CHURC1: variants seen among roughly 807,000 people sequenced by gnomAD.
CHURC1 encodes protein Churchill.
A neutral mutation model predicts 15.4 loss-of-function variants in CHURC1; 12 were observed. That is an observed-to-expected ratio of 0.78 (90% CI 0.50 to 1.27). The LOEUF is 1.27. Ranked by LOEUF, CHURC1 falls within the 50% of genes most tolerant of loss-of-function variation. CHURC1 has a pLI of 0.00. For missense variants in CHURC1, 132 were observed against 137.8 expected, an observed-to-expected ratio of 0.96 and a Z score of 0.21; for synonymous variants, 42 against 47.5, an observed-to-expected ratio of 0.88 and a Z score of 0.48.
chr14:64,922,372 A>T (rs1884364957), intron 1 of CHURC1, among the ~76,000 whole-genome samples: 1 of 151,864 alleles, frequency 6.6e-6, no homozygotes, highest in Non-Finnish European at 1.5e-5. Flanking sequence ...AGGTCAGGAG[A>T]TCGAGACCAT....
At position 64,924,018 on chromosome 14, in the gene CHURC1, T is replaced by G. The variant is rs557991248; in HGVS notation, c.67T>G (p.Phe23Val). 6.4e-7 allele frequency: 1 copy of G among 1,571,378 alleles called. No homozygotes were observed. The highest frequency in any genetic ancestry group is 1.2e-5 in the South Asian group (1 of 83,222). ...RGNTCLENGS[F>V]LLNFTGCAVC... ...TAATACCTGCCTGGAGAATGGATCT[T>G]TCTTACTGAACTTTACAGGCTGTGC... Residue 23 changes from phenylalanine to valine, a missense_variant, in exon 2 of 4, where the codon TTC becomes GTC. Phe to Val is a conservative substitution (Grantham distance 50, BLOSUM62 -1). Transcript: ENST00000549115.
intron 3 of CHURC1, among the ~76,000 whole-genome samples, chr14:64,928,628 G>A (rs1293150742): frequency 6.6e-6 from 1 of 152,048 alleles, no homozygotes; most frequent in African/African-American, 2.4e-5. Flanking sequence ...CATTTTCTCT[G>A]TGCTAAAACT....
rs1885136717 is a variant in CHURC1 at position 64,932,528 on chromosome 14, C to T, written c.*298C>T. 9.7e-7 allele frequency: 1 copy of T among 1,032,830 alleles called. No homozygotes were observed. The highest frequency in any genetic ancestry group is 1.7e-5 in the African/African-American group (1 of 59,720). The allele number at this position is 1,032,830 out of a possible 1,614,324, so 64.0% of individuals were successfully genotyped here. A position where few individuals can be genotyped will look rare whatever the true frequency, so the allele number is the denominator to read the frequency against. The stretch of plus-strand genomic sequence containing the variant: ...CACCTGGTGCCCAGATTTTGGTTTC[C>T]AATAAAAGGAACCAGGACTCCTTAG... On this transcript the variant is annotated 3_prime_UTR_variant, in exon 4 of 4. Transcript: ENST00000549115.
chr14:64,928,575 C>T (rs1884887597), intron 3 of CHURC1, among the ~76,000 whole-genome samples: 1 of 152,102 alleles, frequency 6.6e-6, no homozygotes, highest in Non-Finnish European at 1.5e-5. Flanking sequence ...CCCTATTTTC[C>T]TTATTTTCCT....
In CHURC1 at chr14:64,932,321, T is replaced by C; in HGVS notation, c.*91T>C. ...TGTCTTATTTCATTCATACTGAAAA[T>C]TCTTTGCATATTTTTTTTCTGCTTA... On this transcript the variant is annotated 3_prime_UTR_variant, in exon 4 of 4. Transcript: ENST00000549115. The C allele has an allele frequency of 6.5e-7, 1 of 1,538,062 alleles. No individual in the cohort carries two copies. The highest frequency in any genetic ancestry group is 1.3e-5 in the South Asian group (1 of 79,886).
chr14:64,917,664 G>T (rs903457770), intron 1 of CHURC1, among the ~76,000 whole-genome samples: 1 of 152,194 alleles, frequency 6.6e-6, no homozygotes. Context: ...GTGGGAGGTT[G>T]CAGTGAGCCA....
At chr14:64,924,750 A>T (rs1884563830) in intron 2 of CHURC1, among the ~76,000 whole-genome samples, 1 of 152,198 alleles carries the variant, frequency 6.6e-6, no homozygotes, top group African/African-American at 2.4e-5. Context: ...ATCAATTCTG[A>T]GGTTAGCACT....
chr14:64,917,637 GCTA>G, intron 1 of CHURC1, among the ~76,000 whole-genome samples: 1 of 152,230 alleles, frequency 6.6e-6, no homozygotes, highest in East Asian at 1.9e-4. Context: ...TGTAGTCCTA[GCTA>G]CTTGGAGGTT....
At chr14:64,922,551 C>A (rs1459617695) in intron 1 of CHURC1, among the ~76,000 whole-genome samples, 1 of 139,412 alleles carries the variant, frequency 7.2e-6, no homozygotes, top group Non-Finnish European at 1.5e-5. Context: ...GCACTTCAGC[C>A]TGGGTGACAG....
chr14:64,926,793 T>G (rs1226516211), intron 3 of CHURC1, among the ~76,000 whole-genome samples: 5 of 152,232 alleles, frequency 3.3e-5, no homozygotes, highest in African/African-American at 9.6e-5. Context: ...TTAAGAGATT[T>G]ATCATAAGGA....
At chr14:64,923,632 A>G (rs1884474913) in intron 1 of CHURC1, among the ~76,000 whole-genome samples, 1 of 151,972 alleles carries the variant, frequency 6.6e-6, no homozygotes, top group Non-Finnish European at 1.5e-5. Flanking sequence ...CTCGTTTAAT[A>G]TTGTTGGTTA....
Position 64,918,638 on chromosome 14 carries a change from G to T in CHURC1, c.39+4104G>T, listed in dbSNP as rs118053781. 7.6e-4 allele frequency among the ~76,000 whole-genome samples: 116 copies of T among 152,224 alleles called. No homozygotes were observed. In the East Asian group the frequency reaches 0.019, roughly 25 times the overall value. Reference sequence around the variant, plus strand: ...AACCCAGGAGTTTGAGACCAGCCTGGGCTACATAGTGAGACCCCATCCTTA... The same window carrying T: ...AACCCAGGAGTTTGAGACCAGCCTGTGCTACATAGTGAGACCCCATCCTTA... On this transcript the variant is annotated intron_variant, in intron 1 of 3. Coordinates refer to ENST00000549115, the MANE Select transcript of CHURC1 (RefSeq NM_001386928.1).
At chr14:64,926,211 C>CTTTT (rs3033502) in intron 3 of CHURC1, 131 bp downstream of exon 3, 92 of 187,906 alleles carry the variant, frequency 4.9e-4, no homozygotes, top group African/African-American at 1.1e-3. Context: ...GAGACTATGC[C>CTTTT]TTTTTTTTTT....
rs1341100742 is a variant in CHURC1 at position 64,930,730 on chromosome 14, T to G, written c.247-1408T>G. ...TGGCTAGATTGGTTGAAAACTCAAG[T>G]ATTTGTTTAGCCTCACACATTTTCT... is the stretch of plus-strand genomic sequence containing the variant. On this transcript the variant is annotated intron_variant, in intron 3 of 3. Coordinates refer to ENST00000549115, the MANE Select transcript of CHURC1 (RefSeq NM_001386928.1). 6.5e-5 allele frequency: 27 copies of G among 418,068 alleles called. No individual in the cohort carries two copies. The Admixed American group carries it at 8.0e-4, about 12-fold the overall frequency. 25.9% of individuals were successfully genotyped at this position (418,068 alleles called of 1,614,324 possible). A position where few individuals can be genotyped will look rare whatever the true frequency, so the allele number is the denominator to read the frequency against.
chr14:64,932,631 G>T lies in CHURC1; in HGVS notation c.*401G>T. 5.0e-6 allele frequency: 1 copy of T among 199,342 alleles called. No homozygotes were observed. Among genetic ancestry groups the T allele is most frequent in the Non-Finnish European group, 7.5e-6 (1 of 132,842 alleles). The allele number at this position is 199,342 out of a possible 1,614,324, so 12.3% of individuals were successfully genotyped here. A position where few individuals can be genotyped will look rare whatever the true frequency, so the allele number is the denominator to read the frequency against. On this transcript the variant is annotated 3_prime_UTR_variant, in exon 4 of 4. Transcript: ENST00000549115. ...GTATCTTGTGCCACAGAAAAATGAA[G>T]TACTGAAATTAAAAAAAAAAAATCA...
chr14:64,915,004 G>A (rs532905852), intron 1 of CHURC1, among the ~76,000 whole-genome samples: 1 of 152,238 alleles, frequency 6.6e-6, no homozygotes, highest in Non-Finnish European at 1.5e-5. Context: ...ATGGATGAGA[G>A]CCAGGACTAG....
Position 64,933,835 on chromosome 14 carries a change from A to G in CHURC1, c.*1605A>G. ...TTTGTTGAATAACAGTAATGATGAT[A>G]ATATCTGAGCTTTATTAAGTACTTA... On this transcript the variant is annotated 3_prime_UTR_variant, in exon 4 of 4. Transcript: ENST00000549115. The G allele has an allele frequency of 6.1e-6, 6 of 985,220 alleles. No individual in the cohort carries two copies. The highest frequency in any genetic ancestry group is 1.7e-5 in the African/African-American group (1 of 57,358). The allele number at this position is 985,220 out of a possible 1,614,324, so 61.0% of individuals were successfully genotyped here.
Position 64,930,032 on chromosome 14 carries a change from AAGG to A in CHURC1, c.247-2103_247-2101del, listed in dbSNP as rs61299269. On this transcript the variant is annotated intron_variant, in intron 3 of 3. Coordinates refer to ENST00000549115, the MANE Select transcript of CHURC1 (RefSeq NM_001386928.1). Reference sequence around the variant, plus strand: ...CTTTCTATTCCTCTGTGGGCCAGGGAAGGAGAAGACTTGGAGTCAGAATTAACA... The same window carrying A: ...CTTTCTATTCCTCTGTGGGCCAGGGAAGAAGACTTGGAGTCAGAATTAACA... Among the ~76,000 whole-genome samples the A allele has an allele frequency of 8.3e-4, 126 of 151,922 alleles. 3 individuals are homozygous for A. In the South Asian group the frequency reaches 0.02, roughly 24 times the overall value.
intron 3 of CHURC1, among the ~76,000 whole-genome samples, chr14:64,930,009 T>C (rs10137070): frequency 0.26 from 39,970 of 151,542 alleles, 6,038 homozygotes; most frequent in African/African-American, 0.4. Flanking sequence ...TGAGACTGCT[T>C]TCTATTCCTC....
Sources: gnomAD v4.1 joint callset for allele counts (sites outside exome capture counted in the v4.1 genomes callset) on GRCh38, gnomAD v4.1.1 for gene constraint, MANE v1.5 for transcripts, NCBI Gene and HGNC (gene_info 2026-07-23, HGNC 2026-07-21) for gene names.